STX8: variants seen among roughly 807,000 people sequenced by gnomAD.
STX8 encodes syntaxin 8.
STX8 carries 23 observed loss-of-function variants against 37.5 expected under a neutral mutation model. The ratio of observed to expected loss-of-function variants is 0.61; its 90% CI spans 0.44 to 0.87. STX8 has a LOEUF of 0.87. Ranked by LOEUF, STX8 falls within the 40% of genes least tolerant of loss-of-function variation. The pLI is 0.00. For missense variants in STX8, 313 were observed against 284.7 expected (o/e 1.10, Z -0.71); for synonymous variants, 115 against 99.1 (o/e 1.16, Z -0.95).
At chr17:9,479,449 G>A (rs189917262) in intron 6 of STX8, among the ~76,000 whole-genome samples, 12 of 151,630 alleles carry the variant, frequency 7.9e-5, no homozygotes, top group Admixed American at 2.6e-4. Context: ...TAGGAGAATC[G>A]CTTGAACCCA....
At chr17:9,291,610 GTTCTC>G (rs746401101) in intron 7 of STX8, among the ~76,000 whole-genome samples, 77 of 151,890 alleles carry the variant, frequency 5.1e-4, no homozygotes, top group Non-Finnish European at 8.7e-4. Context: ...TTTTATTTAC[GTTCTC>G]TTCTACATGT....
chr17:9,465,137 T>G lies in STX8; in HGVS notation c.541+26692A>C, dbSNP rs77728936. On this transcript the variant is annotated intron_variant, in intron 6 of 7. Transcript: ENST00000306357. ...CTCCCCTAAGTCATCTAATTTTCCC[T>G]CCTTTCTCACCAAAAACACTTCCTC... 6.2e-4 allele frequency among the ~76,000 whole-genome samples: 94 copies of G among 152,058 alleles called. No individual in the cohort carries two copies. In the East Asian group the frequency reaches 0.017, roughly 28 times the overall value.
chr17:9,330,125 C>T (rs1236368671), intron 7 of STX8, among the ~76,000 whole-genome samples: 2 of 152,270 alleles, frequency 1.3e-5, no homozygotes, highest in East Asian at 3.9e-4. Flanking sequence ...AGAGTCCCTC[C>T]GTAAGCTTTC....
In STX8 at chr17:9,507,814, G is replaced by A. The variant is rs1174013432; in HGVS notation, c.324-2652C>T. 6.6e-6 allele frequency among the ~76,000 whole-genome samples: 1 copy of A among 152,106 alleles called. No individual in the cohort carries two copies. The highest frequency in any genetic ancestry group is 1.9e-4 in the East Asian group (1 of 5,182). On this transcript the variant is annotated intron_variant, in intron 4 of 7. Transcript: ENST00000306357. This position sits in a 1 kb window ranked among gnomAD's most constrained non-coding sequence, Gnocchi z 4.0. ...ACTGAGACACTCACAAATGTCACTG[G>A]CATGGATTACAGTTAAAGAAACTAC... is the stretch of plus-strand genomic sequence containing the variant.
At chr17:9,433,928 G>C (rs11078801) in intron 6 of STX8, among the ~76,000 whole-genome samples, 27,203 of 152,114 alleles carry the variant, frequency 0.18, 2,988 homozygotes, top group Middle Eastern at 0.28. Flanking sequence ...GTAAGGAGTG[G>C]TGAGATGGAT....
At chr17:9,302,630 T>C (rs976798340) in intron 7 of STX8, among the ~76,000 whole-genome samples, 1 of 152,194 alleles carries the variant, frequency 6.6e-6, no homozygotes, top group African/African-American at 2.4e-5. Flanking sequence ...TCATGCTCTT[T>C]TCCGCTTCTG....
At position 9,480,971 on chromosome 17, in the gene STX8, G is replaced by A. The variant is rs540480392; in HGVS notation, c.541+10858C>T. On this transcript the variant is annotated intron_variant, in intron 6 of 7. Transcript: ENST00000306357. The stretch of plus-strand genomic sequence containing the variant: ...ATGATCTCAGCTCACTGCAAGCTCC[G>A]CCTCCTGGGTTCATGCCATTCTCCT... Among the ~76,000 whole-genome samples the A allele has an allele frequency of 8.6e-5, 13 of 151,992 alleles. 1 individual carries two copies. The East Asian group carries it at 1.6e-3, about 18-fold the overall frequency.
At chr17:9,449,321 G>C (rs1567565706) in intron 6 of STX8, among the ~76,000 whole-genome samples, 1 of 152,198 alleles carries the variant, frequency 6.6e-6, no homozygotes, top group Non-Finnish European at 1.5e-5. Flanking sequence ...AGCACTTTGG[G>C]AGGCCAAGGC....
At chr17:9,431,453 GTTTT>G (rs568603260) in intron 6 of STX8, among the ~76,000 whole-genome samples, 4 of 115,318 alleles carry the variant, frequency 3.5e-5, no homozygotes, top group Non-Finnish European at 3.7e-5. Context: ...TTGTTGTTTT[GTTTT>G]TTTTGTTTTT....
chr17:9,410,670 C>A (rs1195541272), intron 6 of STX8, among the ~76,000 whole-genome samples: 8 of 152,126 alleles, frequency 5.3e-5, no homozygotes, highest in Admixed American at 4.6e-4. Flanking sequence ...AATTAATTAC[C>A]AAATTCCATG....
At chr17:9,543,466 G>T (rs1440819899) in intron 4 of STX8, among the ~76,000 whole-genome samples, 2 of 151,824 alleles carry the variant, frequency 1.3e-5, no homozygotes, top group African/African-American at 2.4e-5. Context: ...CTACTTTTTT[G>T]TTGTTGTTGT....
At chr17:9,313,515 G>A (rs958196082) in intron 7 of STX8, among the ~76,000 whole-genome samples, 14 of 152,376 alleles carry the variant, frequency 9.2e-5, no homozygotes, top group Admixed American at 7.2e-4. Flanking sequence ...GAGAACAGTA[G>A]GAACTAGGTG....
chr17:9,555,130 C>A (rs539538501), intron 3 of STX8: 1 of 151,986 alleles, frequency 6.6e-6, no homozygotes, highest in Non-Finnish European at 1.5e-5. Context: ...ACATTAAGAC[C>A]CCTAAATATT....
chr17:9,570,076 C>G (rs1358993683), intron 1 of STX8: 1 of 152,296 alleles, frequency 6.6e-6, no homozygotes, highest in African/African-American at 2.4e-5. Flanking sequence ...CTTCCAGGAC[C>G]AGTCCATCAC....
At chr17:9,519,114 C>T (rs1389997348) in intron 4 of STX8, among the ~76,000 whole-genome samples, 2 of 152,068 alleles carry the variant, frequency 1.3e-5, no homozygotes, top group Admixed American at 6.5e-5. Flanking sequence ...GCACGTCCTC[C>T]CACCCCTTAC....
At chr17:9,420,527 G>A (rs533685420) in intron 6 of STX8, among the ~76,000 whole-genome samples, 39 of 152,098 alleles carry the variant, frequency 2.6e-4, no homozygotes, top group Non-Finnish European at 7.4e-5. Context: ...TCACCTTCTC[G>A]GTTCTGGCCT....
intron 4 of STX8, among the ~76,000 whole-genome samples, chr17:9,506,644 A>C (rs1038665093): frequency 3.9e-5 from 6 of 152,078 alleles, no homozygotes; most frequent in African/African-American, 1.4e-4. Context: ...GGAAAAGGTA[A>C]GCGGGAGATT....
intron 4 of STX8, among the ~76,000 whole-genome samples, chr17:9,514,734 C>T (rs1034832697): frequency 6.6e-6 from 1 of 152,160 alleles, no homozygotes; most frequent in South Asian, 2.1e-4. Context: ...TATATATTCA[C>T]TCATATCTCC....
chr17:9,495,239 T>C (rs1046260053), intron 5 of STX8, among the ~76,000 whole-genome samples: 4 of 152,196 alleles, frequency 2.6e-5, no homozygotes, highest in Admixed American at 2.6e-4. Context: ...ACAAGGACCA[T>C]TTTATAGTAA....
Sources: allele counts gnomAD v4.1 joint callset (sites outside exome capture counted in the v4.1 genomes callset), GRCh38; gene constraint gnomAD v4.1.1; non-coding constraint Gnocchi (gnomAD v3.1); transcripts MANE v1.5; gene names NCBI Gene and HGNC (gene_info 2026-07-23, HGNC 2026-07-21).